The following PCDHA8 variants were observed in gnomAD, a reference collection of about 807,000 sequenced individuals.
PCDHA8 encodes the protein protocadherin alpha 8, also known as protocadherin alpha-8.
PCDHA8 carries 53 observed loss-of-function variants against 61.8 expected under a neutral mutation model. The ratio of observed to expected loss-of-function variants is 0.86; its 90% CI spans 0.69 to 1.08. The LOEUF (loss-of-function observed/expected upper bound fraction) is 1.08. PCDHA8 is among the 50% of genes least tolerant of loss of function. The pLI, the probability that PCDHA8 is intolerant of heterozygous loss-of-function variation, is 0.00. For synonymous variants in PCDHA8, 618 were observed against 556.6 expected (o/e 1.11, Z -1.55); for missense variants, 1,293 against 1,245.0 (o/e 1.04, Z -0.58).
At chr5:140,994,214 G>A (rs2153923643) in intron 3 of PCDHA8, among the ~76,000 whole-genome samples, 1 of 152,296 alleles carries the variant, frequency 6.6e-6, no homozygotes, top group South Asian at 2.1e-4. Flanking sequence ...ATGGGACCCA[G>A]GGTCTGTCTA....
intron 1 of PCDHA8, among the ~76,000 whole-genome samples, chr5:140,886,194 AAT>A (rs775586198): frequency 9.9e-5 from 15 of 152,172 alleles, no homozygotes; most frequent in Non-Finnish European, 1.9e-4. Context: ...GGCAAGCAGT[AAT>A]CTGTTCTCCA....
In PCDHA8 at chr5:140,841,217, C is replaced by A; in HGVS notation, c.-105C>A. On this transcript the variant is annotated 5_prime_UTR_variant, in exon 1 of 4. Coordinates refer to ENST00000531613, the MANE Select transcript of PCDHA8 (RefSeq NM_018911.3). Reference sequence around the variant, plus strand: ...CTCTGACAGCATCTGTCTCTAAAGGCCGAACAACGGGAGATGCAGCGGAAT... The same window carrying A: ...CTCTGACAGCATCTGTCTCTAAAGGACGAACAACGGGAGATGCAGCGGAAT... 1 of 1,422,140 alleles carries A rather than the reference C, an allele frequency of 7.0e-7. No homozygotes were observed. The highest frequency in any genetic ancestry group is 9.5e-7 in the Non-Finnish European group (1 of 1,052,726). 88.1% of individuals were successfully genotyped at this position (1,422,140 alleles called of 1,614,324 possible). A position where few individuals can be genotyped will look rare whatever the true frequency, so the allele number is the denominator to read the frequency against.
At chr5:140,858,581 T>A in intron 1 of PCDHA8, 1 of 1,350,098 alleles carries the variant, frequency 7.4e-7, no homozygotes, top group Non-Finnish European at 1.0e-6. Flanking sequence ...CTTTGTAATA[T>A]AATTTATTCC....
chr5:140,870,845 C>T lies in PCDHA8; in HGVS notation c.2394+27130C>T, dbSNP rs782454963. ...GGAGGCGCAGTTAACAAGCTAGTAC[C>T]GCGGTCGGTGGGTGCGGGCCACGTG... On this transcript the variant is annotated intron_variant, in intron 1 of 3. Transcript: ENST00000531613. The T allele has an allele frequency of 5.0e-6, 8 of 1,613,718 alleles. No individual in the cohort carries two copies. The highest frequency in any genetic ancestry group is 6.8e-6 in the Non-Finnish European group (8 of 1,179,896).
At chr5:140,893,264 A>G (rs1554185566) in intron 1 of PCDHA8, among the ~76,000 whole-genome samples, 1 of 152,172 alleles carries the variant, frequency 6.6e-6, no homozygotes, top group East Asian at 1.9e-4. Flanking sequence ...ATAAATGCCC[A>G]ATAGTGGAAT....
At chr5:140,893,608 T>C (rs2064082274) in intron 1 of PCDHA8, among the ~76,000 whole-genome samples, 1 of 152,256 alleles carries the variant, frequency 6.6e-6, no homozygotes, top group African/African-American at 2.4e-5. Flanking sequence ...TTCTCCTTCA[T>C]TTCTGAAGTA....
chr5:140,852,913 C>G, intron 1 of PCDHA8: 9 of 789,792 alleles, frequency 1.1e-5, no homozygotes, highest in Non-Finnish European at 1.4e-5. Flanking sequence ...GAGTCTCGCT[C>G]TGTTGCCCAG....
chr5:140,884,504 G>A (rs782001863), intron 1 of PCDHA8: 5 of 1,614,180 alleles, frequency 3.1e-6, no homozygotes, highest in Admixed American at 3.3e-5. Flanking sequence ...CAGCGCGGCA[G>A]GGAGTTGGTC....
chr5:140,872,581 C>T (rs1037284236), intron 1 of PCDHA8, among the ~76,000 whole-genome samples: 14 of 152,104 alleles, frequency 9.2e-5, no homozygotes, highest in African/African-American at 3.1e-4. Flanking sequence ...GACCTATCAT[C>T]GTGAGACCCC....
intron 1 of PCDHA8, among the ~76,000 whole-genome samples, chr5:140,931,914 A>C (rs1374173998): frequency 1.3e-5 from 2 of 151,960 alleles, no homozygotes; most frequent in Admixed American, 1.3e-4. Context: ...AAAGCATGAC[A>C]TTTAACAATG....
chr5:140,875,157 A>T, intron 1 of PCDHA8: 1 of 333,552 alleles, frequency 3.0e-6, no homozygotes, highest in Non-Finnish European at 5.3e-6. Flanking sequence ...CGTGAAAAAT[A>T]ACCCAAAGTC....
rs148596731 is a variant in PCDHA8 at position 141,000,361 on chromosome 5, GTCTCTCTCTCTC to G, written c.2543-9242_2543-9231del. Among the ~76,000 whole-genome samples, 60 of 26,440 alleles carry G rather than the reference GTCTCTCTCTCTC, an allele frequency of 2.3e-3. 1 individual carries two copies. Among genetic ancestry groups the G allele is most frequent in the Admixed American group, 5.8e-3 (10 of 1,730 alleles). The allele number at this position is 26,440 out of a possible 152,430, so 17.3% of individuals were successfully genotyped here. On this transcript the variant is annotated intron_variant, in intron 3 of 3. Transcript: ENST00000531613. ...CCTATCTCTCTCTCTGTCTCTCTCT[GTCTCTCTCTCTC>G]TCTCTCTCTCTCTCTCTCTCTCTAT...
chr5:140,876,481 C>T (rs1442284424), intron 1 of PCDHA8: 9 of 1,613,878 alleles, frequency 5.6e-6, no homozygotes, highest in Admixed American at 1.7e-5. Flanking sequence ...CAGCATGGTC[C>T]TGGTGGAAGT....
chr5:140,849,753 G>C (rs1294538786), intron 1 of PCDHA8: 1 of 1,598,398 alleles, frequency 6.3e-7, no homozygotes, highest in Non-Finnish European at 8.6e-7. Flanking sequence ...GAGTGTGTCC[G>C]CCTACGAGCT....
chr5:140,980,978 C>T (rs1482749121), intron 2 of PCDHA8, among the ~76,000 whole-genome samples: 1 of 152,032 alleles, frequency 6.6e-6, no homozygotes, highest in South Asian at 2.1e-4. Flanking sequence ...TCTGACTGAG[C>T]CCACACAATT....
intron 1 of PCDHA8, among the ~76,000 whole-genome samples, chr5:140,919,331 A>G (rs2079089725): frequency 6.6e-6 from 1 of 152,026 alleles, no homozygotes; most frequent in Non-Finnish European, 1.5e-5. Context: ...TTTACTTTCA[A>G]TCTGTTTGTA....
chr5:140,883,352 G>T (rs1554177776), intron 1 of PCDHA8: 1 of 1,614,164 alleles, frequency 6.2e-7, no homozygotes, highest in South Asian at 1.1e-5. Flanking sequence ...CATCAGAGAA[G>T]ACACTCAGCC....
rs1554206132 is a variant in PCDHA8, at chr5:140,928,678, C to A, written c.2395-50271C>A. 3.1e-6 allele frequency: 5 copies of A among 1,614,192 alleles called. No individual in the cohort carries two copies. The East Asian group carries it at 1.1e-4, about 36-fold the overall frequency. ...TGCTGACAGTGGTTCTAATGCCTGGCTTTCCTACCACATCTCCCGGGCGTC... is the reference window on the plus strand; with the variant it reads ...TGCTGACAGTGGTTCTAATGCCTGGATTTCCTACCACATCTCCCGGGCGTC... On this transcript the variant is annotated intron_variant, in intron 1 of 3. Coordinates refer to ENST00000531613, the MANE Select transcript of PCDHA8 (RefSeq NM_018911.3).
At chr5:140,890,902 G>A (rs781819787) in intron 1 of PCDHA8, among the ~76,000 whole-genome samples, 16 of 152,080 alleles carry the variant, frequency 1.1e-4, no homozygotes, top group Non-Finnish European at 1.5e-4. Context: ...GTCTTTCCAT[G>A]TTAGAATAAT....
Sources: allele counts gnomAD v4.1 joint callset (sites outside exome capture counted in the v4.1 genomes callset), GRCh38; gene constraint gnomAD v4.1.1; transcripts MANE v1.5; gene names NCBI Gene and HGNC (gene_info 2026-07-23, HGNC 2026-07-21).